BLM: variants seen among roughly 807,000 people sequenced by gnomAD.
BLM encodes recQ-like DNA helicase BLM.
In BLM, 95 loss-of-function variants were observed where a neutral mutation model predicts 135.3. The observed-to-expected ratio is 0.70, with a 90% CI of 0.59 to 0.83. The LOEUF (loss-of-function observed/expected upper bound fraction) is 0.83, where lower values mean the gene tolerates loss of function less well. Ranked by LOEUF, BLM falls within the 40% of genes least tolerant of loss-of-function variation. The probability of loss-of-function intolerance (pLI) is 0.00; values close to 1 mark genes in which losing one functional copy is unlikely to be tolerated. For synonymous variants in BLM, 520 were observed against 589.2 expected (o/e 0.88, Z 1.70); for missense variants, 1,518 against 1,663.9 (o/e 0.91, Z 1.53).
intron 1 of BLM, among the ~76,000 whole-genome samples, chr15:90,737,208 C>A (rs1323404518): frequency 3.3e-5 from 5 of 151,102 alleles, no homozygotes; most frequent in Admixed American, 3.3e-4. Flanking sequence ...AGGAGTGTAG[C>A]AATTTGAAAT....
Position 90,761,014 on chromosome 15 carries a change from C to T in BLM, c.1641C>T (p.Thr547=), listed in dbSNP as rs2151158651. ...CAATAAATGACTTAGAAAGAGAAAC[C>T]CAACCTTCCTATGATATTGATAATT... ...TASINDLERE[T]QPSYDIDNFD... Residue 547 remains threonine (T), a synonymous_variant, in exon 7 of 22, where the codon ACC becomes ACT. Transcript: ENST00000355112. The T allele has an allele frequency of 6.2e-7, 1 of 1,606,376 alleles. No homozygotes were observed. Among genetic ancestry groups the T allele is most frequent in the South Asian group, 1.1e-5 (1 of 89,500 alleles).
chr15:90,797,525 G>A lies in BLM; in HGVS notation c.3211-665G>A, dbSNP rs566171463. ...CTCAGAATCACTTGCAGTTGTTAGT[G>A]TAAGACCAGAAACCTGTTCATCTCC... On this transcript the variant is annotated intron_variant, in intron 16 of 21. Transcript: ENST00000355112. 5.9e-5 allele frequency among the ~76,000 whole-genome samples: 9 copies of A among 151,550 alleles called. No homozygotes were observed. In the East Asian group the frequency reaches 1.7e-3, roughly 29 times the overall value.
chr15:90,756,773 CA>C (rs925078691), intron 5 of BLM, among the ~76,000 whole-genome samples: 5 of 152,166 alleles, frequency 3.3e-5, no homozygotes, highest in African/African-American at 1.2e-4. Context: ...TATGTGACTC[CA>C]AAAAGTTAGA....
chr15:90,782,673 C>G (rs1002371884), intron 12 of BLM, 149 bp from the exon 13 acceptor site: 2 of 643,066 alleles, frequency 3.1e-6, no homozygotes, highest in African/African-American at 1.8e-5. Flanking sequence ...AACTCCACCC[C>G]TCATGACCTA....
chr15:90,732,600 A>T (rs1447676460), intron 1 of BLM, among the ~76,000 whole-genome samples: 1 of 151,960 alleles, frequency 6.6e-6, no homozygotes, highest in Non-Finnish European at 1.5e-5. Flanking sequence ...TAAAAAAAAA[A>T]AAAAGGTAAG....
chr15:90,737,053 TGAATGTAATCACCCTGAA>T (rs144940298), intron 1 of BLM, among the ~76,000 whole-genome samples: 3,554 of 152,254 alleles, frequency 0.023, 154 homozygotes, highest in African/African-American at 0.08. Context: ...ATTCAAATGA[TGAATGTAATCACCCTGAA>T]GGTGAGGTGG....
chr15:90,768,410 G>A (rs1221874670), intron 10 of BLM, among the ~76,000 whole-genome samples: 4 of 152,202 alleles, frequency 2.6e-5, no homozygotes, highest in Non-Finnish European at 5.9e-5. Flanking sequence ...AGATGTGAGT[G>A]CTACATGTGC....
chr15:90,783,254 T>C (rs1006351222), intron 13 of BLM, among the ~76,000 whole-genome samples: 1 of 152,230 alleles, frequency 6.6e-6, no homozygotes, highest in Non-Finnish European at 1.5e-5. Flanking sequence ...GTCCCAAGCC[T>C]GTCTGCCTTT....
At chr15:90,752,091 C>T (rs1397336582) in intron 4 of BLM, 145 bp downstream of exon 4, 36 of 783,764 alleles carry the variant, frequency 4.6e-5, no homozygotes, top group Non-Finnish European at 7.0e-5. Context: ...CAAAAAAAAA[C>T]CCTGTTTATA....
intron 1 of BLM, among the ~76,000 whole-genome samples, chr15:90,746,117 A>G (rs1040474574): frequency 1.3e-5 from 2 of 152,164 alleles, no homozygotes; most frequent in Non-Finnish European, 2.9e-5. Flanking sequence ...CCTGCTAATG[A>G]GTGAAAGAAG....
chr15:90,799,344 A>C (rs1596264303), intron 17 of BLM, among the ~76,000 whole-genome samples: 1 of 152,234 alleles, frequency 6.6e-6, no homozygotes, highest in South Asian at 2.1e-4. Context: ...GAAAAGAAAT[A>C]AAAATGAGAA....
chr15:90,755,707 G>A (rs1169054861), intron 5 of BLM, among the ~76,000 whole-genome samples: 1 of 151,810 alleles, frequency 6.6e-6, no homozygotes, highest in Non-Finnish European at 1.5e-5. Flanking sequence ...TTGCATGTTA[G>A]ACTTCCATTA....
intron 17 of BLM, among the ~76,000 whole-genome samples, chr15:90,798,961 C>A (rs896916873): frequency 2.7e-5 from 4 of 147,756 alleles, no homozygotes; most frequent in African/African-American, 1.0e-4. Context: ...CCAGCCTGGG[C>A]AACAAGAGTG....
Position 90,760,952 on chromosome 15 carries a change from A to C in BLM, c.1579A>C (p.Ser527Arg). ...TTATTTCCCAGGAAATGTTCTCACAAGCACTGCTGTGAAAGATCAGAATAA... is the reference window on the plus strand; with the variant it reads ...TTATTTCCCAGGAAATGTTCTCACACGCACTGCTGTGAAAGATCAGAATAA... ...SSYFPGNVLTSTAVKDQNKHT... is the reference protein window; with the variant it reads ...SSYFPGNVLTRTAVKDQNKHT... The change falls in exon 7 of 22, where the codon AGC becomes CGC. Residue 527 changes from serine to arginine, a missense_variant. Transcript: ENST00000355112. 1.2e-6 allele frequency: 2 copies of C among 1,614,138 alleles called. No individual in the cohort carries two copies. The highest frequency in any genetic ancestry group is 1.7e-6 in the Non-Finnish European group (2 of 1,180,036).
rs2151187363 is a variant in BLM at position 90,794,293 on chromosome 15, G to A, written c.3146G>A (p.Gly1049Glu). ...IQLLAYFGEN[G>E]FNPDFCKKHP... Reference sequence around the variant, plus strand: ...CTTTTGGCCTACTTTGGTGAAAATGGATTTAATCCTGATTTTTGTAAGAAA... The same window carrying A: ...CTTTTGGCCTACTTTGGTGAAAATGAATTTAATCCTGATTTTTGTAAGAAA... The change falls in exon 16 of 22, where the codon GGA becomes GAA. Residue 1049 changes from glycine (G) to glutamate (E), a missense_variant. Physicochemically the swap from Gly to Glu is moderately conservative, Grantham distance 98. Around this residue, in one of 5 missense-constraint regions of BLM, gnomAD observed 626 missense variants for 681.1 expected, o/e 0.92. Coordinates refer to ENST00000355112, the MANE Select transcript of BLM (RefSeq NM_000057.4). 1 of 1,605,698 alleles carries A rather than the reference G, an allele frequency of 6.2e-7. No homozygotes were observed. Among genetic ancestry groups the A allele is most frequent in the Non-Finnish European group, 8.5e-7 (1 of 1,175,738 alleles).
chr15:90,746,148 C>A (rs1480657220), intron 1 of BLM, among the ~76,000 whole-genome samples: 2 of 152,148 alleles, frequency 1.3e-5, no homozygotes, highest in East Asian at 3.9e-4. Flanking sequence ...ATCGAAATGT[C>A]ACCATTTTGG....
At chr15:90,760,455 T>A in intron 6 of BLM, 139 bp from the exon 7 acceptor site, 1 of 1,231,926 alleles carries the variant, frequency 8.1e-7, no homozygotes, top group Non-Finnish European at 1.2e-6. Context: ...AACATTCGTA[T>A]TCATGTTTTT....
intron 12 of BLM, among the ~76,000 whole-genome samples, chr15:90,771,393 A>G (rs959159197): frequency 6.6e-6 from 1 of 152,146 alleles, no homozygotes; most frequent in Admixed American, 6.5e-5. Context: ...AGGCTGAGGC[A>G]GGAGAATTGC....
intron 16 of BLM, among the ~76,000 whole-genome samples, chr15:90,797,424 A>AAAG (rs1433273578): frequency 2.4e-5 from 1 of 41,274 alleles, no homozygotes; most frequent in African/African-American, 4.9e-5. Flanking sequence ...CAAAAAAAAA[A>AAAG]AAAAAAAAAA....
Sources: gnomAD v4.1 joint callset for allele counts (sites outside exome capture counted in the v4.1 genomes callset) on GRCh38, gnomAD v4.1.1 for gene constraint, gnomAD v4.1.1 regional missense constraint, MANE v1.5 for transcripts, NCBI Gene and HGNC (gene_info 2026-07-23, HGNC 2026-07-21) for gene names.